DLG1: variants seen among roughly 807,000 people sequenced by gnomAD.
The protein encoded by DLG1 is disks large homolog 1.
Under a neutral mutation model 123.4 loss-of-function variants are expected in DLG1, and 42 were observed. That is an observed-to-expected ratio of 0.34 (90% CI 0.27 to 0.44). The LOEUF is 0.44. Among genes scored for constraint, DLG1 ranks in the 20% least tolerant of loss-of-function variants. DLG1 has a pLI of 1.00. For missense variants in DLG1, 942 were observed against 1,082.6 expected, an observed-to-expected ratio of 0.87 and a Z score of 1.82; for synonymous variants, 317 against 356.2, an observed-to-expected ratio of 0.89 and a Z score of 1.24.
chr3:197,048,540 G>A (rs1353384059), intron 24 of DLG1, among the ~76,000 whole-genome samples: 1 of 152,166 alleles, frequency 6.6e-6, no homozygotes, highest in African/African-American at 2.4e-5. Context: ...AAAAAGATAA[G>A]AGATAACAAG....
rs929307769 is a variant in DLG1 at position 197,298,542 on chromosome 3, A to G, written c.-38T>C. The stretch of plus-strand genomic sequence containing the variant: ...AGATCCAAGGCGCACATACCGAGAC[A>G]CCCCTCAACCTCACTCAGCAGTGCC... On this transcript the variant is annotated 5_prime_UTR_variant, in exon 1 of 25. Transcript: ENST00000667157. 9 of 397,788 alleles carry G rather than the reference A, an allele frequency of 2.3e-5. No homozygotes were observed. The highest frequency in any genetic ancestry group is 3.5e-5 in the Non-Finnish European group (8 of 225,934). 24.6% of individuals were successfully genotyped at this position (397,788 alleles called of 1,614,324 possible). A position where few individuals can be genotyped will look rare whatever the true frequency, so the allele number is the denominator to read the frequency against.
At chr3:197,264,588 A>G (rs1760908918) in intron 4 of DLG1, among the ~76,000 whole-genome samples, 3 of 151,964 alleles carry the variant, frequency 2.0e-5, no homozygotes, top group Non-Finnish European at 4.4e-5. Context: ...CACCACGCCC[A>G]GCTAATTTTT....
intron 5 of DLG1, among the ~76,000 whole-genome samples, chr3:197,152,726 G>A (rs1168736253): frequency 7.8e-6 from 1 of 127,962 alleles, no homozygotes; most frequent in East Asian, 2.3e-4. Context: ...CAGCACCACT[G>A]CACTCCAGCC....
chr3:197,294,858 C>T (rs1273709105), intron 3 of DLG1, among the ~76,000 whole-genome samples: 1 of 151,972 alleles, frequency 6.6e-6, no homozygotes. Flanking sequence ...AAGTTACAGC[C>T]ATCACACAAA....
In DLG1 at chr3:197,170,574, CTT is replaced by C. The variant is rs541529633; in HGVS notation, c.484-20780_484-20779del. On this transcript the variant is annotated intron_variant, in intron 5 of 24. Transcript: ENST00000667157. ...AGTGTCTGTTTACGTCCTTTACTCT[CTT>C]TTAATAGGACTGTTTTTCTCTTGTA... Among the ~76,000 whole-genome samples, 141 of 152,284 alleles carry C rather than the reference CTT, an allele frequency of 9.3e-4. 4 individuals carry two copies. Among genetic ancestry groups the C allele is most frequent in the Non-Finnish European group, 8.4e-4 (57 of 68,012 alleles).
At chr3:197,178,543 G>C (rs765811979) in intron 5 of DLG1, among the ~76,000 whole-genome samples, 6 of 152,142 alleles carry the variant, frequency 3.9e-5, no homozygotes, top group Non-Finnish European at 8.8e-5. Flanking sequence ...CTGGAATAAA[G>C]AGAAATACTG....
intron 5 of DLG1, 66 bp downstream of exon 5, chr3:197,194,359 C>A (rs370767013): frequency 1.9e-6 from 2 of 1,073,950 alleles, no homozygotes; most frequent in Non-Finnish European, 2.5e-6. Flanking sequence ...TCTCTCCGAG[C>A]ATGAGCTATA....
intron 5 of DLG1, among the ~76,000 whole-genome samples, chr3:197,186,941 CA>C (rs888393095): frequency 1.3e-5 from 2 of 151,472 alleles, no homozygotes; most frequent in Non-Finnish European, 2.9e-5. Context: ...CTCTAAAGTA[CA>C]AAAAAAACCC....
In DLG1 at chr3:197,142,838, TG is replaced by T. The variant is rs1287436434; in HGVS notation, c.538-71del. ...ATCCAAAATGGCAAGGCAAAATTTT[TG>T]TATGATTTATTAATGAAAACCTGTT... On this transcript the variant is annotated intron_variant, in intron 6 of 24. Coordinates refer to ENST00000667157, the MANE Select transcript of DLG1 (RefSeq NM_001366207.1). The T allele has an allele frequency of 2.6e-5, 32 of 1,232,928 alleles. 1 individual carries two copies. Among genetic ancestry groups the T allele is most frequent in the Middle Eastern group, 3.7e-4 (2 of 5,376 alleles). 76.4% of individuals were successfully genotyped at this position (1,232,928 alleles called of 1,614,324 possible). A position where few individuals can be genotyped will look rare whatever the true frequency, so the allele number is the denominator to read the frequency against.
chr3:197,077,087 A>G (rs1747776952), intron 17 of DLG1, among the ~76,000 whole-genome samples: 1 of 152,130 alleles, frequency 6.6e-6, no homozygotes, highest in Non-Finnish European at 1.5e-5. Flanking sequence ...TTTATTCATT[A>G]TCTTCATTTT....
chr3:197,279,603 C>A (rs1420044206), intron 4 of DLG1, among the ~76,000 whole-genome samples: 3 of 152,182 alleles, frequency 2.0e-5, no homozygotes, highest in South Asian at 2.1e-4. Flanking sequence ...TATGAAAGTT[C>A]TTTTTCTCCT....
At chr3:197,286,646 A>T (rs1327269270) in intron 3 of DLG1, among the ~76,000 whole-genome samples, 4 of 152,204 alleles carry the variant, frequency 2.6e-5, no homozygotes, top group Non-Finnish European at 5.9e-5. Context: ...GTCAATGTAC[A>T]ATGCAAAGAG....
At chr3:197,184,093 C>A in intron 5 of DLG1, 1 of 1,174,522 alleles carries the variant, frequency 8.5e-7, no homozygotes, top group Non-Finnish European at 1.1e-6. Context: ...TTTTCACCAG[C>A]GTCTGCAGGA....
intron 4 of DLG1, among the ~76,000 whole-genome samples, chr3:197,253,906 C>CA (rs1264253892): frequency 4.6e-5 from 7 of 151,184 alleles, no homozygotes; most frequent in African/African-American, 1.7e-4. Flanking sequence ...ACAATTAACC[C>CA]AAAATTAAAG....
At chr3:197,180,184 T>C (rs1208100873) in intron 5 of DLG1, among the ~76,000 whole-genome samples, 2 of 151,940 alleles carry the variant, frequency 1.3e-5, no homozygotes, top group Non-Finnish European at 2.9e-5. Context: ...CACTTCACAG[T>C]TATTTAAAGT....
chr3:197,118,570 A>C (rs1007559323), intron 12 of DLG1, among the ~76,000 whole-genome samples: 2 of 152,212 alleles, frequency 1.3e-5, no homozygotes, highest in African/African-American at 4.8e-5. Flanking sequence ...TAATCAATAA[A>C]CGTTAAGAAC....
chr3:197,131,531 T>C (rs572725923), intron 10 of DLG1, among the ~76,000 whole-genome samples: 2 of 151,922 alleles, frequency 1.3e-5, no homozygotes, highest in East Asian at 3.9e-4. Context: ...GTTCCTAGGA[T>C]AGTCTATATA....
At chr3:197,215,579 T>G (rs751454536) in intron 4 of DLG1, among the ~76,000 whole-genome samples, 1 of 151,554 alleles carries the variant, frequency 6.6e-6, no homozygotes, top group South Asian at 2.1e-4. Context: ...GAAGATAACA[T>G]AACGGTCAGT....
intron 4 of DLG1, among the ~76,000 whole-genome samples, chr3:197,267,343 C>T (rs1020140451): frequency 6.6e-6 from 1 of 152,130 alleles, no homozygotes; most frequent in Admixed American, 6.6e-5. Context: ...CTGTTTTGCC[C>T]TTGGATCCTT....
Sources: allele counts gnomAD v4.1 joint callset (sites outside exome capture counted in the v4.1 genomes callset), GRCh38; gene constraint gnomAD v4.1.1; transcripts MANE v1.5; gene names NCBI Gene and HGNC (gene_info 2026-07-23, HGNC 2026-07-21).